Variants in DCAF5 observed in about 807,000 individuals in gnomAD.
DCAF5 encodes DDB1 and CUL4 associated factor 5.
Under a neutral mutation model 80.7 loss-of-function variants are expected in DCAF5, and 9 were observed. The observed-to-expected ratio is 0.11, with a 90% CI of 0.07 to 0.19. DCAF5 has a LOEUF of 0.19. DCAF5 is among the 10% of genes least tolerant of loss of function. DCAF5 has a pLI of 1.00. For synonymous variants in DCAF5, 433 were observed against 461.9 expected (o/e 0.94, Z 0.80); for missense variants, 842 against 1,205.7 (o/e 0.70, Z 4.47).
At chr14:69,106,110 C>T (rs1249679091) in intron 5 of DCAF5, among the ~76,000 whole-genome samples, 1 of 151,048 alleles carries the variant, frequency 6.6e-6, no homozygotes, top group Non-Finnish European at 1.5e-5. Flanking sequence ...GGATGGAGTG[C>T]AATGGTTGCA....
intron 1 of DCAF5, among the ~76,000 whole-genome samples, chr14:69,145,230 C>T (rs2041502882): frequency 6.6e-6 from 1 of 152,106 alleles, no homozygotes; most frequent in Non-Finnish European, 1.5e-5. Context: ...GTTAACCAGG[C>T]TGATCTCAAA....
Position 69,118,410 on chromosome 14 carries a change from TA to T in DCAF5, c.396-133del, listed in dbSNP as rs1299495943. ...AGTCAACCTAGCTAAACCCAAAAAATATTATATTTCCTGAAAGGTAGGTAGT... is the reference window on the plus strand; with the variant it reads ...AGTCAACCTAGCTAAACCCAAAAAATTTATATTTCCTGAAAGGTAGGTAGT... On this transcript the variant is annotated intron_variant, in intron 3 of 8. Coordinates refer to ENST00000341516, the MANE Select transcript of DCAF5 (RefSeq NM_003861.3). The surrounding 1 kb of genome is among the most constrained non-coding windows in gnomAD (Gnocchi z 4.0). The T allele has an allele frequency of 1.6e-5, 14 of 871,528 alleles. No individual in the cohort carries two copies. Among genetic ancestry groups the T allele is most frequent in the Non-Finnish European group, 2.1e-5 (13 of 611,410 alleles). The allele number at this position is 871,528 out of a possible 1,614,324, so 54.0% of individuals were successfully genotyped here.
chr14:69,062,655 T>C, intron 7 of DCAF5, 144 bp from the exon 8 acceptor site: 2 of 878,976 alleles, frequency 2.3e-6, no homozygotes, highest in Middle Eastern at 2.3e-4. Flanking sequence ...TACAGATAAG[T>C]TGCTATGGAA....
chr14:69,116,269 C>A, intron 5 of DCAF5, 97 bp downstream of exon 5: 1 of 1,423,110 alleles, frequency 7.0e-7, no homozygotes, highest in Non-Finnish European at 9.5e-7. Flanking sequence ...GCAGAGATAA[C>A]TGCCAAAGAG....
chr14:69,097,479 C>T (rs1449736261), intron 5 of DCAF5, among the ~76,000 whole-genome samples: 1 of 152,024 alleles, frequency 6.6e-6, no homozygotes. Flanking sequence ...CAATAATTAG[C>T]ACCTACTATA....
At chr14:69,074,902 C>T (rs903947848) in intron 7 of DCAF5, among the ~76,000 whole-genome samples, 11 of 151,830 alleles carry the variant, frequency 7.2e-5, no homozygotes, top group Admixed American at 1.3e-4. Context: ...GGTGTGGTGG[C>T]GTGTGCCTGT....
intron 6 of DCAF5, chr14:69,083,794 G>A: frequency 1.4e-6 from 1 of 703,800 alleles, no homozygotes; most frequent in Non-Finnish European, 2.6e-6. Context: ...GGAATCTGAA[G>A]AAGAAAGTGC....
At position 69,111,236 on chromosome 14, in the gene DCAF5, T is replaced by C. The variant is rs181896037; in HGVS notation, c.665+5130A>G. Reference sequence around the variant, plus strand: ...AGAGTTTCATTTAATCTGGTCTCTATAGAAGTAGGATTGGCCCAGGCCCCA... The same window carrying C: ...AGAGTTTCATTTAATCTGGTCTCTACAGAAGTAGGATTGGCCCAGGCCCCA... On this transcript the variant is annotated intron_variant, in intron 5 of 8. Coordinates refer to ENST00000341516, the MANE Select transcript of DCAF5 (RefSeq NM_003861.3). Among the ~76,000 whole-genome samples, 187 of 152,280 alleles carry C rather than the reference T, an allele frequency of 1.2e-3. 4 individuals carry two copies. Among genetic ancestry groups the C allele is most frequent in the Admixed American group, 7.1e-3 (108 of 15,292 alleles).
At chr14:69,105,305 T>C (rs1378752595) in intron 5 of DCAF5, among the ~76,000 whole-genome samples, 3 of 152,184 alleles carry the variant, frequency 2.0e-5, no homozygotes, top group Non-Finnish European at 4.4e-5. Flanking sequence ...GTATATATAA[T>C]AGAATATTAT....
At chr14:69,101,183 C>G (rs1399204651) in intron 5 of DCAF5, among the ~76,000 whole-genome samples, 1 of 152,194 alleles carries the variant, frequency 6.6e-6, no homozygotes, top group East Asian at 1.9e-4. Context: ...AACAAGATTT[C>G]ACAGAATATG....
At chr14:69,142,424 C>A (rs527246052) in intron 1 of DCAF5, among the ~76,000 whole-genome samples, 1 of 152,306 alleles carries the variant, frequency 6.6e-6, no homozygotes, top group South Asian at 2.1e-4. Context: ...AATGGAGCAA[C>A]CTTTCTTTTT....
intron 6 of DCAF5, chr14:69,090,184 AAG>A: frequency 1.1e-6 from 1 of 885,568 alleles, no homozygotes; most frequent in Non-Finnish European, 1.4e-6. Context: ...AGAAGGAAAA[AAG>A]GAAGAGAGGG....
chr14:69,118,275 A>G lies in DCAF5; in HGVS notation c.399T>C (p.Ser133=). 1 of 1,613,712 alleles carries G rather than the reference A, an allele frequency of 6.2e-7. No homozygotes were observed. Among genetic ancestry groups the G allele is most frequent in the Non-Finnish European group, 8.5e-7 (1 of 1,179,752 alleles). ...EQVILHDVES[S]ETLDVFAHED... is the part of the protein sequence containing the mutation. ...CATGAGCAAACACGTCCAATGTCTC[A>G]CTGCTGGGAGATAAGAGAGCAAGAC... Residue 133 remains serine (S), a synonymous_variant, in exon 4 of 9, where the codon AGT becomes AGC. Coordinates refer to ENST00000341516, the MANE Select transcript of DCAF5 (RefSeq NM_003861.3). This position sits in a 1 kb window ranked among gnomAD's most constrained non-coding sequence, Gnocchi z 4.0.
rs73278988 is a variant in DCAF5 at position 69,128,790 on chromosome 14, C to T, written c.215-6430G>A. Among the ~76,000 whole-genome samples the T allele has an allele frequency of 6.9e-3, 1,044 of 151,940 alleles. 14 individuals carry two copies. Among genetic ancestry groups the T allele is most frequent in the African/African-American group, 0.024 (1,001 of 41,454 alleles). On this transcript the variant is annotated intron_variant, in intron 1 of 8. Transcript: ENST00000341516. Reference sequence around the variant, plus strand: ...CTCAAAACAAACAACAACAAAAAAACCAAAAACAGAATATCTGCCAGGCCC... The same window carrying T: ...CTCAAAACAAACAACAACAAAAAAATCAAAAACAGAATATCTGCCAGGCCC...
intron 1 of DCAF5, among the ~76,000 whole-genome samples, chr14:69,145,388 A>C (rs10141040): frequency 6.6e-6 from 1 of 152,058 alleles, no homozygotes; most frequent in East Asian, 1.9e-4. Flanking sequence ...CACGTTAGCT[A>C]ATTTTTCTAA....
chr14:69,148,439 G>A (rs1251473598), intron 1 of DCAF5, among the ~76,000 whole-genome samples: 1 of 152,172 alleles, frequency 6.6e-6, no homozygotes, highest in East Asian at 1.9e-4. Flanking sequence ...GCTCACACCT[G>A]TAATCCCAGG....
chr14:69,080,663 A>G (rs1198079023), intron 6 of DCAF5, among the ~76,000 whole-genome samples: 1 of 152,204 alleles, frequency 6.6e-6, no homozygotes, highest in African/African-American at 2.4e-5. Context: ...GGCCTAGATA[A>G]CAGAAAGGCT....
intron 5 of DCAF5, among the ~76,000 whole-genome samples, chr14:69,097,235 C>T (rs2035793812): frequency 6.6e-6 from 1 of 152,290 alleles, no homozygotes; most frequent in Non-Finnish European, 1.5e-5. Context: ...AGAGAAAGGT[C>T]AAGGAAAGAA....
intron 5 of DCAF5, among the ~76,000 whole-genome samples, chr14:69,106,287 C>G (rs1434884657): frequency 6.6e-6 from 1 of 152,022 alleles, no homozygotes; most frequent in Non-Finnish European, 1.5e-5. Context: ...AACTCCTGAC[C>G]TCAGGTGATC....
Sources: gnomAD v4.1 joint callset for allele counts (sites outside exome capture counted in the v4.1 genomes callset) on GRCh38, gnomAD v4.1.1 for gene constraint, Gnocchi (gnomAD v3.1) non-coding constraint, MANE v1.5 for transcripts, NCBI Gene and HGNC (gene_info 2026-07-23, HGNC 2026-07-21) for gene names.